INPP4A: variants seen among roughly 807,000 people sequenced by gnomAD.
The protein encoded by INPP4A is inositol polyphosphate-4-phosphatase type I A.
Under a neutral mutation model 119.8 loss-of-function variants are expected in INPP4A, and 33 were observed. The ratio of observed to expected loss-of-function variants is 0.28; its 90% CI spans 0.21 to 0.37. The LOEUF is 0.37. Ranked by LOEUF, INPP4A falls within the 10% of genes least tolerant of loss-of-function variation. INPP4A has a pLI of 1.00. For missense variants in INPP4A, 956 were observed against 1,289.9 expected (o/e 0.74, Z 3.97); for synonymous variants, 496 against 500.7 (o/e 0.99, Z 0.12).
intron 1 of INPP4A, among the ~76,000 whole-genome samples, chr2:98,488,963 G>C (rs1227136837): frequency 6.6e-6 from 1 of 151,534 alleles, no homozygotes. Context: ...GTGTGTGTGT[G>C]TGTGTGTGTG....
Position 98,554,274 on chromosome 2 carries a change from C to T in INPP4A, c.1351C>T (p.Arg451Trp), listed in dbSNP as rs747795003. Residue 451 changes from arginine (R) to tryptophan (W), a missense_variant, in exon 15 of 25, where the codon CGG (arginine) becomes TGG (tryptophan). By Grantham distance (101) the Arg-to-Trp change is moderately radical. This residue lies in a region of INPP4A where 652 missense variants were observed against 797.9 expected (regional missense o/e 0.82). Coordinates refer to ENST00000409851, the MANE Select transcript of INPP4A (RefSeq NM_001134225.2). This position sits in a 1 kb window ranked among gnomAD's most constrained non-coding sequence, Gnocchi z 4.7. ...CTTGGTTTGTGTGCACCTGCAGACA[C>T]GGCAGCTGGTCACGGTCTGCGACTG... Reference protein sequence around the residue: ...RTLAILADKTRQLVTVCDCKL... With the variant: ...RTLAILADKTWQLVTVCDCKL... 5 of 1,599,984 alleles carry T rather than the reference C, an allele frequency of 3.1e-6. No individual in the cohort carries two copies. Among genetic ancestry groups the T allele is most frequent in the Non-Finnish European group, 4.3e-6 (5 of 1,173,812 alleles).
chr2:98,486,088 T>G (rs757280926), intron 1 of INPP4A, among the ~76,000 whole-genome samples: 69 of 152,330 alleles, frequency 4.5e-4, no homozygotes, highest in African/African-American at 1.4e-4. Flanking sequence ...TCCTTGGGTC[T>G]CTGGGAGGAG....
chr2:98,524,577 C>T (rs1373017179), intron 4 of INPP4A, among the ~76,000 whole-genome samples: 4 of 152,164 alleles, frequency 2.6e-5, no homozygotes, highest in South Asian at 4.1e-4. Context: ...CTGTACCTTA[C>T]GTCTGTCTGC....
rs1158702769 is a variant in INPP4A, at chr2:98,563,460, C to G, written c.1856-5C>G. 1 of 1,611,322 alleles carries G rather than the reference C, an allele frequency of 6.2e-7. No individual in the cohort carries two copies. ...ATTGTGATGACCCCTTCGCTTGTGC[C>G]CCAGGTGAATGGAGTGAGGCCCTTT... On this transcript the variant is annotated splice_region_variant and splice_polypyrimidine_tract_variant and intron_variant, in intron 17 of 24. Transcript: ENST00000409851.
At chr2:98,458,885 C>T (rs1345591286) in intron 1 of INPP4A, among the ~76,000 whole-genome samples, 3 of 152,152 alleles carry the variant, frequency 2.0e-5, no homozygotes, top group South Asian at 2.1e-4. Flanking sequence ...ACAGCGGAGG[C>T]GAAGTTCTCA....
chr2:98,474,468 TG>T (rs1018604092), intron 1 of INPP4A, among the ~76,000 whole-genome samples: 2 of 152,216 alleles, frequency 1.3e-5, no homozygotes, highest in African/African-American at 4.8e-5. Context: ...GAGCCCTGGG[TG>T]GGATGAGCCC....
chr2:98,566,033 G>A lies in INPP4A; in HGVS notation c.2284G>A (p.Gly762Arg), dbSNP rs1211643235. The change falls in exon 21 of 25, where the codon GGG (glycine) becomes AGG (arginine). Residue 762 changes from glycine to arginine, a missense_variant. Gly to Arg is a moderately radical substitution (Grantham distance 125). Transcript: ENST00000409851. The surrounding 1 kb of genome is among the most constrained non-coding windows in gnomAD (Gnocchi z 4.2). ...MLPVITGNRD[G>R]FNVRVPLPGP... ...CCTCTCTCCACCTTTCTCCAGCGAC[G>A]GGTTTAACGTGCGGGTCCCTCTGCC... 1.9e-6 allele frequency: 3 copies of A among 1,605,452 alleles called. No homozygotes were observed. Among genetic ancestry groups the A allele is most frequent in the Non-Finnish European group, 2.6e-6 (3 of 1,176,408 alleles).
rs927628507 is a variant in INPP4A, at chr2:98,514,768, A to G, written c.-165-4196A>G. On this transcript the variant is annotated intron_variant, in intron 1 of 24. Coordinates refer to ENST00000409851, the MANE Select transcript of INPP4A (RefSeq NM_001134225.2). ...TCATCTCTAATTTTAAAAAATTAGTAATTATCCAGATGTGGTGGCACACAC... is the reference window on the plus strand; with the variant it reads ...TCATCTCTAATTTTAAAAAATTAGTGATTATCCAGATGTGGTGGCACACAC... 2.6e-5 allele frequency among the ~76,000 whole-genome samples: 4 copies of G among 152,174 alleles called. No individual in the cohort carries two copies. In the East Asian group the frequency reaches 7.7e-4, roughly 29 times the overall value.
At chr2:98,561,093 C>T (rs1007886167) in intron 17 of INPP4A, among the ~76,000 whole-genome samples, 1 of 152,228 alleles carries the variant, frequency 6.6e-6, no homozygotes, top group Non-Finnish European at 1.5e-5. Flanking sequence ...CACACACTCT[C>T]CCTTTCTCCC....
Position 98,570,884 on chromosome 2 carries a change from T to G in INPP4A, c.2519-1931T>G, listed in dbSNP as rs1015660111. ...GGGCCTTGAGGGGAGTGGAGGTGAC[T>G]GGCAGAGATGCAGTTGGAGCCAGAG... On this transcript the variant is annotated intron_variant, in intron 22 of 24. Coordinates refer to ENST00000409851, the MANE Select transcript of INPP4A (RefSeq NM_001134225.2). This position sits in a 1 kb window ranked among gnomAD's most constrained non-coding sequence, Gnocchi z 4.3. Among the ~76,000 whole-genome samples, 10 of 152,070 alleles carry G rather than the reference T, an allele frequency of 6.6e-5. No homozygotes were observed. The highest frequency in any genetic ancestry group is 1.9e-4 in the African/African-American group (8 of 41,392).
At chr2:98,580,866 T>G (rs562525844) in intron 24 of INPP4A, among the ~76,000 whole-genome samples, 2 of 152,342 alleles carry the variant, frequency 1.3e-5, no homozygotes, top group East Asian at 3.9e-4. Flanking sequence ...AGTTCTTCTG[T>G]AGCACCAAAA....
At chr2:98,499,416 A>G (rs1476882521) in intron 1 of INPP4A, among the ~76,000 whole-genome samples, 5 of 152,194 alleles carry the variant, frequency 3.3e-5, no homozygotes, top group Admixed American at 2.0e-4. Flanking sequence ...ACATGGTTTA[A>G]TCCTCTCATC....
At chr2:98,539,347 G>T (rs1489346603) in intron 9 of INPP4A, among the ~76,000 whole-genome samples, 181 bp from the exon 10 acceptor site, 1 of 152,116 alleles carries the variant, frequency 6.6e-6, no homozygotes, top group Non-Finnish European at 1.5e-5. Flanking sequence ...CATGTTGCTG[G>T]GAAGAAATGT....
chr2:98,449,674 G>A (rs1239650366), intron 1 of INPP4A, among the ~76,000 whole-genome samples: 1 of 152,162 alleles, frequency 6.6e-6, no homozygotes, highest in Non-Finnish European at 1.5e-5. Flanking sequence ...TTGCTACTGA[G>A]GTGTCACCCA....
chr2:98,444,739 T>C (rs1005953524), upstream of INPP4A: 2 of 152,078 alleles, frequency 1.3e-5, no homozygotes, highest in African/African-American at 4.8e-5. Flanking sequence ...CCGGCCCTAC[T>C]GTCTCAGAGG....
At chr2:98,528,328 A>G (rs1559010544) in intron 4 of INPP4A, among the ~76,000 whole-genome samples, 1 of 152,248 alleles carries the variant, frequency 6.6e-6, no homozygotes, top group Non-Finnish European at 1.5e-5. Flanking sequence ...ACTTGAAGAC[A>G]GGTCAATTGA....
At chr2:98,524,833 T>G (rs969746511) in intron 4 of INPP4A, among the ~76,000 whole-genome samples, 3 of 152,206 alleles carry the variant, frequency 2.0e-5, no homozygotes, top group Non-Finnish European at 4.4e-5. Context: ...ATAGGAGAAC[T>G]TTCAAACTCA....
chr2:98,471,598 A>G (rs1038133280), intron 1 of INPP4A, among the ~76,000 whole-genome samples: 18 of 152,216 alleles, frequency 1.2e-4, no homozygotes, highest in Non-Finnish European at 1.5e-4. Flanking sequence ...GCGCTCAGGA[A>G]CCAAGGTCAA....
At chr2:98,500,011 C>T (rs891998391) in intron 1 of INPP4A, among the ~76,000 whole-genome samples, 7 of 152,132 alleles carry the variant, frequency 4.6e-5, no homozygotes, top group South Asian at 4.1e-4. Context: ...TATCTAATTC[C>T]GGGGGAAACC....
Sources: allele counts gnomAD v4.1 joint callset (sites outside exome capture counted in the v4.1 genomes callset), GRCh38; gene constraint gnomAD v4.1.1; regional missense constraint gnomAD v4.1.1; non-coding constraint Gnocchi (gnomAD v3.1); transcripts MANE v1.5; gene names NCBI Gene and HGNC (gene_info 2026-07-23, HGNC 2026-07-21).